Variants in YES1 observed in about 807,000 individuals in gnomAD.
YES1 encodes the protein YES proto-oncogene 1, Src family tyrosine kinase.
A neutral mutation model predicts 70.4 loss-of-function variants in YES1; 39 were observed. That is an observed-to-expected ratio of 0.55 (90% CI 0.43 to 0.72). YES1 has a LOEUF of 0.72. Ranked by LOEUF, YES1 falls within the 30% of genes least tolerant of loss-of-function variation. The probability of loss-of-function intolerance (pLI) is 0.00; values close to 1 mark genes in which losing one functional copy is unlikely to be tolerated. For synonymous variants in YES1, 198 were observed against 218.6 expected, an observed-to-expected ratio of 0.91 and a Z score of 0.83; for missense variants, 495 against 644.8, an observed-to-expected ratio of 0.77 and a Z score of 2.52.
intron 1 of YES1, among the ~76,000 whole-genome samples, chr18:777,027 G>C (rs1905418794): frequency 6.6e-6 from 1 of 152,192 alleles, no homozygotes; most frequent in Non-Finnish European, 1.5e-5. Context: ...ACAAAAATCA[G>C]GGGGCAATTA....
At chr18:761,354 C>T (rs8096858) in intron 1 of YES1, among the ~76,000 whole-genome samples, 18,761 of 151,798 alleles carry the variant, frequency 0.12, 1,351 homozygotes, top group East Asian at 0.28. Flanking sequence ...TTAATTATTA[C>T]ATAAATTATA....
intron 4 of YES1, among the ~76,000 whole-genome samples, chr18:747,469 C>CA (rs1053130002): frequency 7.3e-5 from 11 of 151,404 alleles, no homozygotes; most frequent in African/African-American, 2.4e-4. Context: ...GACCCTGTCT[C>CA]AAAAAAAAGA....
intron 1 of YES1, among the ~76,000 whole-genome samples, chr18:784,283 T>C (rs1229713954): frequency 6.6e-6 from 1 of 152,250 alleles, no homozygotes; most frequent in African/African-American, 2.4e-5. Flanking sequence ...TTGGATGCAC[T>C]AACTGATTTA....
intron 1 of YES1, among the ~76,000 whole-genome samples, chr18:804,607 C>T (rs1906994156): frequency 1.1e-5 from 1 of 88,500 alleles, no homozygotes; most frequent in Admixed American, 1.5e-4. Flanking sequence ...GAGACTGAGT[C>T]TCAAAAAAAA....
In YES1 at chr18:781,269, C is replaced by CAAA. The variant is rs1167805094; in HGVS notation, c.-8-24437_-8-24435dup. ...GGGGGACGAGAGTGAAACTCTGTCT[C>CAAA]AAAAAAAAAAAAAAAAATAAGAGGG... On this transcript the variant is annotated intron_variant, in intron 1 of 11. Coordinates refer to ENST00000314574, the MANE Select transcript of YES1 (RefSeq NM_005433.4). Among the ~76,000 whole-genome samples, 4 of 101,396 alleles carry CAAA rather than the reference C, an allele frequency of 3.9e-5. 1 individual carries two copies. Among genetic ancestry groups the CAAA allele is most frequent in the Admixed American group, 2.1e-4 (2 of 9,638 alleles). 66.5% of individuals were successfully genotyped at this position (101,396 alleles called of 152,430 possible).
intron 1 of YES1, among the ~76,000 whole-genome samples, chr18:769,678 G>C (rs1905070059): frequency 6.6e-6 from 1 of 151,930 alleles, no homozygotes; most frequent in Non-Finnish European, 1.5e-5. Flanking sequence ...TTATCATATA[G>C]GTTTTTTTCC....
intron 1 of YES1, 40 bp downstream of exon 1, chr18:812,074 G>T: frequency 6.5e-6 from 1 of 154,024 alleles, no homozygotes; most frequent in Non-Finnish European, 1.5e-5. Flanking sequence ...TCCGGGCAGA[G>T]GTGGAACCCT....
At chr18:753,538 G>A (rs1324044374) in intron 2 of YES1, among the ~76,000 whole-genome samples, 1 of 152,142 alleles carries the variant, frequency 6.6e-6, no homozygotes, top group East Asian at 1.9e-4. Flanking sequence ...CCAGGCTAGA[G>A]TGCAGTGGTA....
upstream of YES1, chr18:812,591 G>A (rs1311633405): frequency 2.0e-5 from 3 of 152,560 alleles, no homozygotes; most frequent in African/African-American, 7.2e-5. Context: ...GGGCGGTGCA[G>A]GCCGAGGGGG....
intron 10 of YES1, 59 bp from the exon 11 acceptor site, chr18:733,024 TAGC>T: frequency 1.9e-6 from 3 of 1,558,312 alleles, no homozygotes; most frequent in Non-Finnish European, 2.7e-6. Flanking sequence ...TGTGTAAACA[TAGC>T]ATATGCAGGG....
chr18:758,121 C>T (rs1213012621), intron 1 of YES1, among the ~76,000 whole-genome samples: 1 of 152,038 alleles, frequency 6.6e-6, no homozygotes, highest in Non-Finnish European at 1.5e-5. Context: ...TACAAAGAAA[C>T]AGGTAAAATT....
intron 4 of YES1, 62 bp downstream of exon 4, chr18:747,858 G>T: frequency 6.8e-7 from 1 of 1,478,852 alleles, no homozygotes; most frequent in Non-Finnish European, 9.4e-7. Context: ...TGGCTAAGTA[G>T]AATGTGCATT....
intron 1 of YES1, among the ~76,000 whole-genome samples, chr18:776,094 G>A (rs928780267): frequency 7.2e-5 from 11 of 152,122 alleles, no homozygotes; most frequent in Admixed American, 5.9e-4. Flanking sequence ...CAAAGTGTTT[G>A]CACTGCTAAA....
At chr18:729,067 CT>C (rs1397288846) in intron 11 of YES1, among the ~76,000 whole-genome samples, 1 of 152,142 alleles carries the variant, frequency 6.6e-6, no homozygotes, top group African/African-American at 2.4e-5. Flanking sequence ...GCTTCTGGGA[CT>C]CCACAAATTA....
At chr18:766,596 A>C (rs1239836137) in intron 1 of YES1, among the ~76,000 whole-genome samples, 1 of 151,942 alleles carries the variant, frequency 6.6e-6, no homozygotes, top group Non-Finnish European at 1.5e-5. Context: ...TAGAATCAAA[A>C]CATTCTAATT....
chr18:795,426 G>A (rs531987968), intron 1 of YES1, among the ~76,000 whole-genome samples: 1 of 152,204 alleles, frequency 6.6e-6, no homozygotes, highest in Non-Finnish European at 1.5e-5. Flanking sequence ...TGCTACTCTT[G>A]CAACTTTTCT....
At chr18:737,953 G>A (rs1598893631) in intron 9 of YES1, 1 of 152,122 alleles carries the variant, frequency 6.6e-6, no homozygotes, top group East Asian at 1.9e-4. Context: ...GAGATTATAG[G>A]AGCCATCTCG....
At chr18:775,575 T>C (rs1361068796) in intron 1 of YES1, among the ~76,000 whole-genome samples, 1 of 152,126 alleles carries the variant, frequency 6.6e-6, no homozygotes, top group African/African-American at 2.4e-5. Context: ...AGCAGGAGGA[T>C]TGTGTGAGCC....
In YES1 at chr18:743,897, TTC is replaced by T. The variant is rs529760463; in HGVS notation, c.725-484_725-483del. On this transcript the variant is annotated intron_variant, in intron 6 of 11. Transcript: ENST00000314574. ...CTCTAGCCTGGGTGACACAGTGAGA[TTC>T]TGACTCGAAAAAAAAAAAAATATAT... is the stretch of plus-strand genomic sequence containing the variant. Among the ~76,000 whole-genome samples, 40 of 149,070 alleles carry T rather than the reference TTC, an allele frequency of 2.7e-4. 1 individual carries two copies. In the South Asian group the frequency reaches 8.0e-3, roughly 30 times the overall value.
Sources: allele counts gnomAD v4.1 joint callset (sites outside exome capture counted in the v4.1 genomes callset), GRCh38; gene constraint gnomAD v4.1.1; transcripts MANE v1.5; gene names NCBI Gene and HGNC (gene_info 2026-07-23, HGNC 2026-07-21).